Variants in SAMD12 observed in about 807,000 individuals in gnomAD.
SAMD12 encodes the protein sterile alpha motif domain containing 12.
A neutral mutation model predicts 15.0 loss-of-function variants in SAMD12; 9 were observed. That is an observed-to-expected ratio of 0.60 (90% CI 0.36 to 1.05). The LOEUF (loss-of-function observed/expected upper bound fraction) is 1.05. SAMD12 is among the 50% of genes least tolerant of loss of function. The pLI is 0.01. For missense variants in SAMD12, 230 were observed against 234.2 expected, an observed-to-expected ratio of 0.98 and a Z score of 0.12; for synonymous variants, 86 against 90.1, an observed-to-expected ratio of 0.96 and a Z score of 0.25.
chr8:118,555,457 A>G (rs1826500522), intron 2 of SAMD12, among the ~76,000 whole-genome samples: 1 of 152,220 alleles, frequency 6.6e-6, no homozygotes, highest in African/African-American at 2.4e-5. Context: ...AAATGAAGCC[A>G]GCAGGATTTC....
chr8:118,503,690 C>T (rs1052894044), intron 2 of SAMD12, among the ~76,000 whole-genome samples: 4 of 152,184 alleles, frequency 2.6e-5, no homozygotes, highest in Admixed American at 2.6e-4. Flanking sequence ...GATTACAACT[C>T]TGCCTCCATC....
At position 118,390,301 on chromosome 8, in the gene SAMD12, C is replaced by T. The variant is rs151165398; in HGVS notation, c.323-10601G>A. On this transcript the variant is annotated intron_variant, in intron 3 of 3. Coordinates refer to ENST00000314727, the MANE Select transcript of SAMD12 (RefSeq NM_207506.3). ...AGGATTACAGGCGTGAGCCACTGCA[C>T]CCGGCCCAAATTTAACTTTTAACCT... is the stretch of plus-strand genomic sequence containing the variant. Among the ~76,000 whole-genome samples, 971 of 152,312 alleles carry T rather than the reference C, an allele frequency of 6.4e-3. 14 individuals are homozygous for T. Among genetic ancestry groups the T allele is most frequent in the African/African-American group, 0.022 (923 of 41,556 alleles).
chr8:118,460,956 C>A (rs4493938), intron 2 of SAMD12, among the ~76,000 whole-genome samples: 109,164 of 152,108 alleles, frequency 0.72, 39,482 homozygotes, highest in African/African-American at 0.8. Context: ...CTCTAGCCAC[C>A]AAAATGCCTG....
chr8:118,462,404 T>G (rs1402645610), intron 2 of SAMD12, among the ~76,000 whole-genome samples: 1 of 152,166 alleles, frequency 6.6e-6, no homozygotes, highest in African/African-American at 2.4e-5. Flanking sequence ...TGAATGTCAA[T>G]TATATTTAAG....
intron 2 of SAMD12, among the ~76,000 whole-genome samples, chr8:118,516,026 T>A (rs1825235288): frequency 6.6e-6 from 1 of 152,254 alleles, no homozygotes; most frequent in Non-Finnish European, 1.5e-5. Context: ...GAGATATATA[T>A]GAGAACTGTG....
chr8:118,416,208 A>T (rs1443470060), intron 3 of SAMD12, among the ~76,000 whole-genome samples: 2 of 152,234 alleles, frequency 1.3e-5, no homozygotes, highest in Non-Finnish European at 2.9e-5. Context: ...TAAATGCTGG[A>T]TGTAGAGGAA....
At chr8:118,161,375 G>C in the SAMD12 span, among the ~76,000 whole-genome samples, 1 of 152,028 alleles carries the variant, frequency 6.6e-6, no homozygotes, top group African/African-American at 2.4e-5. Context: ...CTTGAACCCA[G>C]GACTTTGAGA....
At chr8:118,174,524 T>C in the SAMD12 span, among the ~76,000 whole-genome samples, 1 of 152,136 alleles carries the variant, frequency 6.6e-6, no homozygotes, top group Admixed American at 6.5e-5. Context: ...TCTAGGTGCT[T>C]GGGAAAAAGT....
At chr8:118,404,585 TAA>T (rs1290341584) in intron 3 of SAMD12, among the ~76,000 whole-genome samples, 1 of 152,166 alleles carries the variant, frequency 6.6e-6, no homozygotes, top group Non-Finnish European at 1.5e-5. Context: ...TTTGTGTTAT[TAA>T]AAAGTTTAAG....
At chr8:118,171,566 G>T in the SAMD12 span, among the ~76,000 whole-genome samples, 1 of 152,136 alleles carries the variant, frequency 6.6e-6, no homozygotes, top group Non-Finnish European at 1.5e-5. Flanking sequence ...CATGCTAGGT[G>T]AAATAAGTTG....
intron 4 of SAMD12, among the ~76,000 whole-genome samples, chr8:118,197,895 G>A (rs1431338465): frequency 6.6e-6 from 1 of 152,180 alleles, no homozygotes; most frequent in African/African-American, 2.4e-5. Flanking sequence ...GATTTACAGT[G>A]GCTTATATTC....
intron 2 of SAMD12, among the ~76,000 whole-genome samples, chr8:118,568,884 C>T (rs755151804): frequency 6.6e-6 from 1 of 152,144 alleles, no homozygotes; most frequent in Non-Finnish European, 1.5e-5. Context: ...AATAGAACAA[C>T]CACAGGAGCT....
chr8:118,164,349 G>A, the SAMD12 span, among the ~76,000 whole-genome samples: 2 of 152,150 alleles, frequency 1.3e-5, no homozygotes, highest in African/African-American at 4.8e-5. Context: ...TTCTGCTTCA[G>A]CTGTAACTGA....
intron 1 of SAMD12, among the ~76,000 whole-genome samples, chr8:118,595,544 C>G (rs1227685747): frequency 6.6e-6 from 1 of 152,190 alleles, no homozygotes; most frequent in Non-Finnish European, 1.5e-5. Context: ...ATCAAGTACA[C>G]AAAGCTCAGA....
chr8:118,241,666 T>C (rs1043534623), intron 4 of SAMD12, among the ~76,000 whole-genome samples: 1 of 152,138 alleles, frequency 6.6e-6, no homozygotes, highest in Non-Finnish European at 1.5e-5. Context: ...TCTGGGCAGG[T>C]CACGACATCT....
intron 2 of SAMD12, among the ~76,000 whole-genome samples, chr8:118,499,352 T>C (rs897756321): frequency 6.6e-6 from 1 of 152,184 alleles, no homozygotes; most frequent in Admixed American, 6.5e-5. Context: ...TATTGTTACC[T>C]AGAGCTAATG....
intron 2 of SAMD12, among the ~76,000 whole-genome samples, chr8:118,442,301 G>A (rs141402229): frequency 1.1e-4 from 16 of 152,184 alleles, no homozygotes; most frequent in African/African-American, 3.9e-4. Flanking sequence ...AAATGAAACA[G>A]CATTCACAGA....
chr8:118,271,444 A>G (rs1377285768), intron 4 of SAMD12, among the ~76,000 whole-genome samples: 2 of 152,136 alleles, frequency 1.3e-5, no homozygotes, highest in Non-Finnish European at 1.5e-5. Context: ...CACCCAAACC[A>G]TATCATTCCA....
chr8:118,339,513 A>C (rs1345973631), intron 4 of SAMD12, among the ~76,000 whole-genome samples: 1 of 152,190 alleles, frequency 6.6e-6, no homozygotes, highest in Non-Finnish European at 1.5e-5. Flanking sequence ...TTAAAAAATC[A>C]AGCAAAACTC....
Sources: gnomAD v4.1 joint callset for allele counts (sites outside exome capture counted in the v4.1 genomes callset) on GRCh38, gnomAD v4.1.1 for gene constraint, MANE v1.5 for transcripts, NCBI Gene and HGNC (gene_info 2026-07-23, HGNC 2026-07-21) for gene names.